TRIM37: variants seen among roughly 807,000 people sequenced by gnomAD.
TRIM37 encodes the protein tripartite motif containing 37.
TRIM37 carries 80 observed loss-of-function variants against 129.8 expected under a neutral mutation model. The ratio of observed to expected loss-of-function variants is 0.62; its 90% CI spans 0.51 to 0.74. The LOEUF is 0.74. Ranked by LOEUF, TRIM37 falls within the 30% of genes least tolerant of loss-of-function variation. The pLI is 0.00. For missense variants in TRIM37, 1,054 were observed against 1,176.5 expected, an observed-to-expected ratio of 0.90 and a Z score of 1.52; for synonymous variants, 389 against 387.1, an observed-to-expected ratio of 1.00 and a Z score of -0.06.
In TRIM37 at chr17:59,054,208, C is replaced by T. The variant is rs1322992364; in HGVS notation, c.1199+2667G>A. 2.6e-5 allele frequency among the ~76,000 whole-genome samples: 4 copies of T among 152,160 alleles called. No individual in the cohort carries two copies. In the East Asian group the frequency reaches 7.7e-4, roughly 29 times the overall value. ...TTAAATACTCTGAAACTTCTCAGTT[C>T]AGAACATATTTTAATCTTTTTTAAA... On this transcript the variant is annotated intron_variant, in intron 13 of 23. Coordinates refer to ENST00000262294, the MANE Select transcript of TRIM37 (RefSeq NM_015294.6).
chr17:59,069,924 A>G (rs193060019), intron 9 of TRIM37, among the ~76,000 whole-genome samples: 1 of 152,340 alleles, frequency 6.6e-6, no homozygotes, highest in African/African-American at 2.4e-5. Flanking sequence ...AAGCTGAGGC[A>G]AAAAAGTGAA....
chr17:59,029,161 C>T (rs1483494912), intron 18 of TRIM37, among the ~76,000 whole-genome samples: 2 of 152,142 alleles, frequency 1.3e-5, no homozygotes, highest in Admixed American at 1.3e-4. Context: ...GGTGCAGTGG[C>T]TTATGCCTGT....
intron 17 of TRIM37, among the ~76,000 whole-genome samples, chr17:59,032,390 T>TGGCG (rs1262299779): frequency 2.0e-5 from 3 of 150,706 alleles, no homozygotes. Flanking sequence ...CCGGGCGCGG[T>TGGCG]GGCGGGCGCC....
chr17:59,032,172 T>G, intron 17 of TRIM37, 82 bp from the exon 18 acceptor site: 1 of 1,354,616 alleles, frequency 7.4e-7, no homozygotes, highest in Non-Finnish European at 1.0e-6. Flanking sequence ...GTTAACATTA[T>G]ATGAATACTT....
chr17:59,059,705 A>C (rs544781843), intron 12 of TRIM37, among the ~76,000 whole-genome samples: 1 of 152,250 alleles, frequency 6.6e-6, no homozygotes, highest in African/African-American at 2.4e-5. Context: ...CAACCTTATA[A>C]ATTTTCTTGA....
intron 22 of TRIM37, among the ~76,000 whole-genome samples, chr17:59,002,967 G>C (rs1444232000): frequency 6.6e-6 from 1 of 152,180 alleles, no homozygotes; most frequent in Non-Finnish European, 1.5e-5. Flanking sequence ...GCTTACCACA[G>C]CCTTGACCTC....
intron 24 of TRIM37, among the ~76,000 whole-genome samples, chr17:58,992,411 ACT>A (rs2032540596): frequency 6.6e-6 from 1 of 150,496 alleles, no homozygotes; most frequent in African/African-American, 2.4e-5. Flanking sequence ...ACGGAGTTTC[ACT>A]CTTTTTGCCC....
intron 13 of TRIM37, 89 bp from the exon 14 acceptor site, chr17:59,051,417 G>T: frequency 2.3e-6 from 2 of 888,314 alleles, no homozygotes; most frequent in South Asian, 2.8e-5. Context: ...GGGTTAACTT[G>T]ATTATAAGGC....
chr17:58,969,858 G>A, the TRIM37 span: 2 of 855,786 alleles, frequency 2.3e-6, no homozygotes, highest in Non-Finnish European at 3.5e-6. Flanking sequence ...TTGACTCACA[G>A]TATTGGATTC....
intron 22 of TRIM37, among the ~76,000 whole-genome samples, chr17:59,002,836 GA>G (rs1386172124): frequency 2.0e-5 from 3 of 152,014 alleles, no homozygotes; most frequent in Non-Finnish European, 4.4e-5. Context: ...ACCCCCCACA[GA>G]AAGGGAATTA....
At chr17:59,004,128 G>T (rs985848583) in intron 22 of TRIM37, among the ~76,000 whole-genome samples, 1 of 151,834 alleles carries the variant, frequency 6.6e-6, no homozygotes, top group South Asian at 2.1e-4. Flanking sequence ...AAGGAAGGAA[G>T]AATTAAGAAT....
intron 22 of TRIM37, 78 bp downstream of exon 22, chr17:59,012,250 A>ACCACCAC (rs1555639679): frequency 2.8e-5 from 23 of 833,776 alleles, no homozygotes; most frequent in South Asian, 1.7e-4. Context: ...CACCACCACC[A>ACCACCAC]CCACCACCCA....
intron 17 of TRIM37, among the ~76,000 whole-genome samples, chr17:59,035,150 C>T (rs2038320522): frequency 6.6e-6 from 1 of 152,104 alleles, no homozygotes; most frequent in African/African-American, 2.4e-5. Flanking sequence ...ACTTCCACCT[C>T]CCAGTTTCAA....
At chr17:59,082,636 T>A (rs866090051) in intron 5 of TRIM37, among the ~76,000 whole-genome samples, 1 of 152,152 alleles carries the variant, frequency 6.6e-6, no homozygotes, top group South Asian at 2.1e-4. Flanking sequence ...TCCAGTTGCA[T>A]TCAGCTCAAA....
the TRIM37 span, among the ~76,000 whole-genome samples, chr17:58,973,193 G>A: frequency 6.6e-6 from 1 of 150,998 alleles, no homozygotes; most frequent in African/African-American, 2.4e-5. Flanking sequence ...CGAGGCGGGT[G>A]TATCACGAGG....
chr17:59,096,992 T>C (rs918739071), intron 2 of TRIM37, among the ~76,000 whole-genome samples: 1 of 152,150 alleles, frequency 6.6e-6, no homozygotes, highest in African/African-American at 2.4e-5. Flanking sequence ...TCATTCAATG[T>C]AATAAACCAC....
Position 59,056,887 on chromosome 17 carries a change from G to T in TRIM37, c.1187C>A (p.Thr396Lys). 1 of 1,613,604 alleles carries T rather than the reference G, an allele frequency of 6.2e-7. No individual in the cohort carries two copies. The highest frequency in any genetic ancestry group is 8.5e-7 in the Non-Finnish European group (1 of 1,179,862). Residue 396 changes from threonine (T) to lysine (K), a missense_variant, in exon 13 of 24, where the codon ACA (threonine) becomes AAA (lysine). Coordinates refer to ENST00000262294, the MANE Select transcript of TRIM37 (RefSeq NM_015294.6). The part of the protein sequence containing the change: ...NEGYLNPQND[T>K]VILRFQVRSP... Reference sequence around the variant, plus strand: ...TTTTTCCTGTTACCTTAAAATCACTGTATCATTTTGTGGATTCAAGTATCC... The same window carrying T: ...TTTTTCCTGTTACCTTAAAATCACTTTATCATTTTGTGGATTCAAGTATCC...
At chr17:59,032,240 C>A (rs568504298) in intron 17 of TRIM37, 150 bp from the exon 18 acceptor site, 37 of 934,216 alleles carry the variant, frequency 4.0e-5, no homozygotes, top group Non-Finnish European at 5.8e-5. Context: ...AAAGAAGGAA[C>A]CAGGGCCGGG....
At chr17:59,001,519 A>T (rs1216348170) in intron 23 of TRIM37, 79 bp downstream of exon 23, 1 of 1,581,720 alleles carries the variant, frequency 6.3e-7, no homozygotes, top group Non-Finnish European at 8.7e-7. Context: ...AAGTAGAAGT[A>T]GCAGCAGCAG....
Sources: allele counts gnomAD v4.1 joint callset (sites outside exome capture counted in the v4.1 genomes callset), GRCh38; gene constraint gnomAD v4.1.1; transcripts MANE v1.5; gene names NCBI Gene and HGNC (gene_info 2026-07-23, HGNC 2026-07-21).